ITSN1: variants seen among roughly 807,000 people sequenced by gnomAD.
The protein encoded by ITSN1 is intersectin-1.
A neutral mutation model predicts 239.8 loss-of-function variants in ITSN1; 58 were observed. That is an observed-to-expected ratio of 0.24 (90% CI 0.20 to 0.30). The LOEUF (loss-of-function observed/expected upper bound fraction) is 0.30. ITSN1 is among the 10% of genes least tolerant of loss of function. ITSN1 has a pLI of 1.00. For synonymous variants in ITSN1, 780 were observed against 770.8 expected (o/e 1.01, Z -0.20); for missense variants, 1,558 against 2,103.3 (o/e 0.74, Z 5.07).
chr21:33,765,771 T>C lies in ITSN1; in HGVS notation c.789-104T>C, dbSNP rs1476393759. The stretch of plus-strand genomic sequence containing the variant: ...CAAAATGAGGGACAAAGAGACTCAG[T>C]TGGCCTGTGGTCAATAAGAAAACAT... On this transcript the variant is annotated intron_variant, in intron 9 of 39. Transcript: ENST00000381318. 5 of 1,154,922 alleles carry C rather than the reference T, an allele frequency of 4.3e-6. No individual in the cohort carries two copies. In the East Asian group the frequency reaches 7.1e-5, roughly 16 times the overall value. The allele number at this position is 1,154,922 out of a possible 1,614,324, so 71.5% of individuals were successfully genotyped here.
chr21:33,845,477 T>C (rs1190330126), intron 29 of ITSN1, among the ~76,000 whole-genome samples: 1 of 152,144 alleles, frequency 6.6e-6, no homozygotes, highest in Non-Finnish European at 1.5e-5. Context: ...CTTAAAATCA[T>C]CCAGGGGATT....
At chr21:33,841,400 T>A (rs935399581) in intron 29 of ITSN1, among the ~76,000 whole-genome samples, 1 of 151,838 alleles carries the variant, frequency 6.6e-6, no homozygotes, top group Non-Finnish European at 1.5e-5. Flanking sequence ...TAAAAAAAAA[T>A]GCCTATTGAA....
rs1979425412 is a variant in ITSN1, at chr21:33,856,807, C to T, written c.3733C>T (p.Leu1245Phe). ...ERKRQGYIHE[L>F]IVTEENYVND... ...AAAGCGACAAGGATACATCCACGAGCTCATTGTCACCGAGGAGAACTATGT... is the reference window on the plus strand; with the variant it reads ...AAAGCGACAAGGATACATCCACGAGTTCATTGTCACCGAGGAGAACTATGT... Residue 1245 changes from leucine to phenylalanine, a missense_variant, in exon 30 of 40, where the codon CTC becomes TTC. Leu to Phe is a conservative substitution (Grantham distance 22). Around this residue, in one of 2 missense-constraint regions of ITSN1, gnomAD observed 576 missense variants for 893.3 expected, o/e 0.64. Coordinates refer to ENST00000381318, the MANE Select transcript of ITSN1 (RefSeq NM_003024.3). 6.2e-7 allele frequency: 1 copy of T among 1,614,130 alleles called. No homozygotes were observed. The highest frequency in any genetic ancestry group is 8.5e-7 in the Non-Finnish European group (1 of 1,180,026).
rs142126876 is a variant in ITSN1 at position 33,721,653 on chromosome 21, G to T, written c.121+383G>T. ...TCTACTAAAAATAAAAAATTAGCTG[G>T]GTGTCGTGGTGGGCGCCTGTAATCC... On this transcript the variant is annotated intron_variant, in intron 3 of 39. Transcript: ENST00000381318. Among the ~76,000 whole-genome samples the T allele has an allele frequency of 1.8e-3, 271 of 151,650 alleles. 1 individual carries two copies. Among genetic ancestry groups the T allele is most frequent in the African/African-American group, 6.4e-3 (265 of 41,420 alleles).
At chr21:33,762,238 G>T (rs2068388762) in intron 9 of ITSN1, among the ~76,000 whole-genome samples, 1 of 151,562 alleles carries the variant, frequency 6.6e-6, no homozygotes. Flanking sequence ...CTCGTGACCA[G>T]TCTTGGCTCT....
At chr21:33,811,382 C>T (rs997089729) in intron 21 of ITSN1, among the ~76,000 whole-genome samples, 160 bp downstream of exon 21, 4 of 152,118 alleles carry the variant, frequency 2.6e-5, no homozygotes, top group Non-Finnish European at 5.9e-5. Context: ...TTGGAGATTA[C>T]AGTCCCTGAA....
chr21:33,772,500 T>G (rs2069244147), intron 12 of ITSN1, among the ~76,000 whole-genome samples, 177 bp downstream of exon 12: 1 of 152,296 alleles, frequency 6.6e-6, no homozygotes, highest in South Asian at 2.1e-4. Context: ...CTCCAGCTCT[T>G]TACCCATTAA....
At chr21:33,754,361 A>G (rs1203802204) in intron 7 of ITSN1, 2 of 152,254 alleles carry the variant, frequency 1.3e-5, no homozygotes, top group Non-Finnish European at 1.5e-5. Flanking sequence ...CATGGAAATG[A>G]TGATTAAAAA....
intron 1 of ITSN1, among the ~76,000 whole-genome samples, chr21:33,702,489 A>G (rs924067188): frequency 6.6e-6 from 1 of 152,206 alleles, no homozygotes; most frequent in Admixed American, 6.5e-5. Context: ...GTTTTAAAAG[A>G]CCAATTACAG....
At chr21:33,868,253 C>G (rs1378779725) in intron 33 of ITSN1, among the ~76,000 whole-genome samples, 1 of 152,250 alleles carries the variant, frequency 6.6e-6, no homozygotes, top group Non-Finnish European at 1.5e-5. Flanking sequence ...TAGCTGGCTT[C>G]ACCCAGTGGA....
chr21:33,833,498 CT>C (rs1246016773), intron 27 of ITSN1, among the ~76,000 whole-genome samples: 1 of 152,208 alleles, frequency 6.6e-6, no homozygotes, highest in African/African-American at 2.4e-5. Flanking sequence ...AACTTTTCAT[CT>C]GGAAATTGAG....
intron 2 of ITSN1, among the ~76,000 whole-genome samples, chr21:33,719,967 T>C (rs1242314922): frequency 2.0e-5 from 3 of 152,260 alleles, no homozygotes; most frequent in African/African-American, 7.2e-5. Flanking sequence ...AATCTTGTCA[T>C]GAAGAGAGTA....
intron 22 of ITSN1, chr21:33,817,562 G>C (rs1179076417): frequency 2.3e-6 from 3 of 1,303,206 alleles, no homozygotes; most frequent in Non-Finnish European, 2.0e-6. Context: ...TTTTATCTCT[G>C]TCTTCCCCAT....
intron 1 of ITSN1, chr21:33,716,318 A>G (rs1383550217): frequency 6.6e-6 from 1 of 152,212 alleles, no homozygotes; most frequent in Non-Finnish European, 1.5e-5. Flanking sequence ...CTAGAACCGG[A>G]AGTGCTCCAG....
At chr21:33,725,721 C>T (rs1337215913) in intron 4 of ITSN1, among the ~76,000 whole-genome samples, 1 of 152,132 alleles carries the variant, frequency 6.6e-6, no homozygotes, top group African/African-American at 2.4e-5. Context: ...TTGAATGAAT[C>T]TTTAATTTTT....
At position 33,762,544 on chromosome 21, in the gene ITSN1, C is replaced by T. The variant is rs192807568; in HGVS notation, c.788+558C>T. On this transcript the variant is annotated intron_variant, in intron 9 of 39. Coordinates refer to ENST00000381318, the MANE Select transcript of ITSN1 (RefSeq NM_003024.3). ...CCTCCCAAAGTGCTGGAATTACAGGCGTGAGCCACCATGCCCAGCCTCTTT... is the reference window on the plus strand; with the variant it reads ...CCTCCCAAAGTGCTGGAATTACAGGTGTGAGCCACCATGCCCAGCCTCTTT... Among the ~76,000 whole-genome samples the T allele has an allele frequency of 2.9e-3, 438 of 152,192 alleles. 1 individual carries two copies. Among genetic ancestry groups the T allele is most frequent in the Non-Finnish European group, 4.7e-3 (321 of 68,004 alleles).
Position 33,677,963 on chromosome 21 carries a change from A to G in ITSN1, c.-33+35250A>G, listed in dbSNP as rs553085425. Reference sequence around the variant, plus strand: ...TGTCTCTCCCTGTAATCTGTTTCACATAGTAGCTTCTACAGTGTAAATAAG... The same window carrying G: ...TGTCTCTCCCTGTAATCTGTTTCACGTAGTAGCTTCTACAGTGTAAATAAG... On this transcript the variant is annotated intron_variant, in intron 1 of 39. Coordinates refer to ENST00000381318, the MANE Select transcript of ITSN1 (RefSeq NM_003024.3). Among the ~76,000 whole-genome samples the G allele has an allele frequency of 1.2e-4, 18 of 152,332 alleles. No individual in the cohort carries two copies. The South Asian group carries it at 3.3e-3, about 28-fold the overall frequency.
At chr21:33,756,991 C>T (rs895247301) in intron 8 of ITSN1, 4 of 152,216 alleles carry the variant, frequency 2.6e-5, no homozygotes, top group Admixed American at 2.0e-4. Flanking sequence ...GTCTCAAACT[C>T]CTGACCTCAG....
At chr21:33,823,678 C>T (rs2073815893) in intron 25 of ITSN1, 25 bp downstream of exon 25, 1 of 1,599,932 alleles carries the variant, frequency 6.3e-7, no homozygotes, top group African/African-American at 1.3e-5. Flanking sequence ...ACTGTTTCCT[C>T]TCCCTTTCTG....
Sources: allele counts gnomAD v4.1 joint callset (sites outside exome capture counted in the v4.1 genomes callset), GRCh38; gene constraint gnomAD v4.1.1; regional missense constraint gnomAD v4.1.1; transcripts MANE v1.5; gene names NCBI Gene and HGNC (gene_info 2026-07-23, HGNC 2026-07-21).